The following PCA3 variants were observed in gnomAD, a reference collection of about 807,000 sequenced individuals.
The protein encoded by PCA3 is Differential Display code 3.
chr9:76,772,714 C>T (rs563484064), intron 2 of PCA3, among the ~76,000 whole-genome samples: 1 of 152,234 alleles, frequency 6.6e-6, no homozygotes, highest in East Asian at 1.9e-4. Context: ...TAGGCACACA[C>T]GGCTGTATCC....
chr9:76,773,184 G>T (rs561246450), intron 2 of PCA3, among the ~76,000 whole-genome samples: 1 of 152,224 alleles, frequency 6.6e-6, no homozygotes, highest in South Asian at 2.1e-4. Flanking sequence ...TGTTGTTGTT[G>T]GGATTCATCC....
intron 2 of PCA3, among the ~76,000 whole-genome samples, chr9:76,770,895 G>A (rs1314752180): frequency 1.3e-5 from 2 of 152,042 alleles, no homozygotes; most frequent in Non-Finnish European, 2.9e-5. Context: ...GTAAATTTGT[G>A]AAGGAAGATA....
chr9:76,765,790 T>C (rs116312958), intron 2 of PCA3, among the ~76,000 whole-genome samples: 4,099 of 152,326 alleles, frequency 0.027, 174 homozygotes, highest in African/African-American at 0.094. Context: ...AGTGCTTTTC[T>C]GGGACTCACT....
chr9:76,780,620 G>A (rs574811732), intron 2 of PCA3, among the ~76,000 whole-genome samples: 3 of 152,306 alleles, frequency 2.0e-5, no homozygotes, highest in African/African-American at 7.2e-5. Context: ...GAACCCAGGA[G>A]GCAGAGCTTG....
intron 2 of PCA3, among the ~76,000 whole-genome samples, chr9:76,780,490 A>T (rs917376834): frequency 6.6e-6 from 1 of 152,056 alleles, no homozygotes; most frequent in Non-Finnish European, 1.5e-5. Context: ...GATCAAGACC[A>T]TCCTGGCTAA....
chr9:76,770,478 A>C (rs1262430215), intron 2 of PCA3, among the ~76,000 whole-genome samples: 1 of 152,186 alleles, frequency 6.6e-6, no homozygotes, highest in Non-Finnish European at 1.5e-5. Flanking sequence ...AAAAATTGAA[A>C]AGGACTCAGG....
At chr9:76,774,465 T>TATTTATTTATTTATTTATTTA (rs761395945) in intron 2 of PCA3, among the ~76,000 whole-genome samples, 2,520 of 136,868 alleles carry the variant, frequency 0.018, 150 homozygotes, top group African/African-American at 0.06. Context: ...TTTTTTTTTT[T>TATTTATTTATTTATTTATTTA]TTTTTTTTTT....
At chr9:76,779,177 C>T (rs1262190277) in intron 2 of PCA3, among the ~76,000 whole-genome samples, 1 of 151,028 alleles carries the variant, frequency 6.6e-6, no homozygotes, top group Non-Finnish European at 1.5e-5. Flanking sequence ...ACAGGAAATG[C>T]TTTAAAATAT....
chr9:76,785,660 T>C (rs1033480030), intron 2 of PCA3: 19 of 152,176 alleles, frequency 1.2e-4, no homozygotes, highest in African/African-American at 4.6e-4. Flanking sequence ...GGCACTCTTG[T>C]GAGCCACTTT....
chr9:76,775,104 C>T (rs1936283), intron 2 of PCA3, among the ~76,000 whole-genome samples: 82,680 of 151,934 alleles, frequency 0.54, 24,140 homozygotes, highest in African/African-American at 0.76. Context: ...TAAGCTGAAC[C>T]GAATAGGACC....
rs10121983 is a variant in PCA3, at chr9:76,782,508, T to C, written n.853-26075T>C. On this transcript the variant is annotated intron_variant and non_coding_transcript_variant, in intron 2 of 5. Coordinates refer to ENST00000644657, the Ensembl canonical transcript of PCA3. ...CATGAAGACAACTACAGCATCTTCT[T>C]TACAGAGTTCTTCTAAAAATTAAAT... 5.0e-3 allele frequency among the ~76,000 whole-genome samples: 756 copies of C among 152,326 alleles called. 2 individuals are homozygous for C. The highest frequency in any genetic ancestry group is 0.017 in the African/African-American group (715 of 41,570).
intron 2 of PCA3, among the ~76,000 whole-genome samples, chr9:76,776,945 CAA>C: frequency 7.2e-6 from 1 of 138,670 alleles, no homozygotes; most frequent in Non-Finnish European, 1.5e-5. Context: ...CACACACACA[CAA>C]AGGGCCTGGA....
chr9:76,779,587 A>G (rs1035774318), intron 2 of PCA3: 3 of 152,174 alleles, frequency 2.0e-5, no homozygotes, highest in African/African-American at 7.2e-5. Context: ...TGGACTTTAT[A>G]AGGTCTTTAT....
intron 2 of PCA3, among the ~76,000 whole-genome samples, chr9:76,780,862 A>G (rs2054306614): frequency 6.6e-6 from 1 of 152,194 alleles, no homozygotes; most frequent in Admixed American, 6.5e-5. Flanking sequence ...GGATCTGCCC[A>G]GGACCACGCA....
chr9:76,776,869 T>C (rs1314631368), intron 2 of PCA3, among the ~76,000 whole-genome samples: 1 of 146,082 alleles, frequency 6.8e-6, no homozygotes, highest in Non-Finnish European at 1.5e-5. Flanking sequence ...TTCTCTTGAG[T>C]TTCTTTCTCA....
At chr9:76,777,251 G>T (rs1280125498) in intron 2 of PCA3, among the ~76,000 whole-genome samples, 1 of 152,180 alleles carries the variant, frequency 6.6e-6, no homozygotes, top group Non-Finnish European at 1.5e-5. Flanking sequence ...TAGGAGAGGG[G>T]TGCCAACCTC....
intron 2 of PCA3, among the ~76,000 whole-genome samples, chr9:76,773,436 A>G (rs1018020843): frequency 7.2e-6 from 1 of 138,310 alleles, no homozygotes; most frequent in African/African-American, 2.8e-5. Flanking sequence ...ACACTAGTAC[A>G]TCTTTTTTTT....
At chr9:76,776,893 T>TACACACACACACACAC (rs541232508) in intron 2 of PCA3, among the ~76,000 whole-genome samples, 14 of 115,670 alleles carry the variant, frequency 1.2e-4, no homozygotes, top group Admixed American at 1.0e-3. Flanking sequence ...CCAAAACACA[T>TACACACACACACACAC]ACACACACAC....
At chr9:76,774,942 G>A (rs933898220) in intron 2 of PCA3, among the ~76,000 whole-genome samples, 1 of 152,142 alleles carries the variant, frequency 6.6e-6, no homozygotes. Context: ...CCTCATCTAT[G>A]TAATGGGAAC....
Sources: gnomAD v4.1 joint callset for allele counts (sites outside exome capture counted in the v4.1 genomes callset) on GRCh38, gnomAD v4.1.1 for gene constraint, MANE v1.5 for transcripts, NCBI Gene and HGNC (gene_info 2026-07-23, HGNC 2026-07-21) for gene names.